Variants in RBPMS observed in about 807,000 individuals in gnomAD.
RBPMS encodes RNA-binding protein with multiple splicing.
In RBPMS, 7 loss-of-function variants were observed where a neutral mutation model predicts 26.8. The ratio of observed to expected loss-of-function variants is 0.26; its 90% CI spans 0.15 to 0.49. The LOEUF is 0.49. Among genes scored for constraint, RBPMS ranks in the 20% least tolerant of loss-of-function variants. The probability of loss-of-function intolerance (pLI) is 0.98; values close to 1 mark genes in which losing one functional copy is unlikely to be tolerated. For synonymous variants in RBPMS, 96 were observed against 93.3 expected, an observed-to-expected ratio of 1.03 and a Z score of -0.17; for missense variants, 186 against 250.0, an observed-to-expected ratio of 0.74 and a Z score of 1.73.
intron 5 of RBPMS, among the ~76,000 whole-genome samples, chr8:30,528,921 A>T (rs567514967): frequency 6.6e-6 from 1 of 151,942 alleles, no homozygotes; most frequent in South Asian, 2.1e-4. Flanking sequence ...ATTAATTTTT[A>T]AAAATTGTGG....
chr8:30,412,153 T>C (rs2150583794), intron 1 of RBPMS, among the ~76,000 whole-genome samples: 1 of 152,366 alleles, frequency 6.6e-6, no homozygotes, highest in East Asian at 1.9e-4. Context: ...CACCTTGCTA[T>C]AATTAGTTGT....
intron 4 of RBPMS, among the ~76,000 whole-genome samples, chr8:30,480,794 T>G (rs1818193844): frequency 6.6e-6 from 1 of 152,234 alleles, no homozygotes; most frequent in African/African-American, 2.4e-5. Flanking sequence ...ACTTTAAACT[T>G]AAAAGTAGAA....
chr8:30,544,829 T>C (rs575065709), intron 6 of RBPMS: 1 of 1,537,394 alleles, frequency 6.5e-7, no homozygotes, highest in Non-Finnish European at 8.7e-7. Context: ...CACTGCCTGA[T>C]GTTTGCCCCA....
At position 30,474,769 on chromosome 8, in the gene RBPMS, AT is replaced by A; in HGVS notation, c.67-5del. 6.3e-7 allele frequency: 1 copy of A among 1,587,320 alleles called. No individual in the cohort carries two copies. The highest frequency in any genetic ancestry group is 1.1e-5 in the South Asian group (1 of 90,218). ...ACACCCTTGATCACTTCCTAAATTT[AT>A]TTTTCCAGGTCCGGACCCTATTTGT... is the stretch of plus-strand genomic sequence containing the variant. On this transcript the variant is annotated splice_polypyrimidine_tract_variant and intron_variant, in intron 1 of 8. Coordinates refer to ENST00000397323, the MANE Select transcript of RBPMS (RefSeq NM_001008710.3).
At chr8:30,539,714 C>T (rs752862469) in intron 5 of RBPMS, among the ~76,000 whole-genome samples, 5 of 151,806 alleles carry the variant, frequency 3.3e-5, no homozygotes, top group Non-Finnish European at 7.4e-5. Flanking sequence ...CAATCTGCAC[C>T]TCCCAGGTTC....
chr8:30,527,542 A>G (rs1250288401), intron 5 of RBPMS, among the ~76,000 whole-genome samples: 9 of 152,204 alleles, frequency 5.9e-5, no homozygotes, highest in Non-Finnish European at 1.2e-4. Context: ...TAGCTGGCCT[A>G]CAACCGTTGG....
intron 5 of RBPMS, among the ~76,000 whole-genome samples, chr8:30,522,269 A>T (rs925202002): frequency 1.3e-5 from 2 of 150,682 alleles, no homozygotes; most frequent in African/African-American, 4.9e-5. Flanking sequence ...CCCCATCTCT[A>T]TTTAAAAAAA....
At chr8:30,551,796 T>C (rs976593129) in intron 6 of RBPMS, among the ~76,000 whole-genome samples, 1 of 152,236 alleles carries the variant, frequency 6.6e-6, no homozygotes, top group African/African-American at 2.4e-5. Context: ...AATGACAGTT[T>C]CTACCCACTC....
chr8:30,568,681 C>G (rs1321945217), intron 8 of RBPMS, among the ~76,000 whole-genome samples: 2 of 152,186 alleles, frequency 1.3e-5, no homozygotes, highest in African/African-American at 4.8e-5. Context: ...CTTATGCGTT[C>G]CCAACCCTGA....
chr8:30,568,278 T>C (rs1031428014), intron 8 of RBPMS, among the ~76,000 whole-genome samples: 1 of 152,108 alleles, frequency 6.6e-6, no homozygotes, highest in Non-Finnish European at 1.5e-5. Flanking sequence ...TTAGAAACTC[T>C]TGGGGAAGGA....
intron 5 of RBPMS, among the ~76,000 whole-genome samples, chr8:30,521,027 G>C (rs559607985): frequency 3.7e-4 from 57 of 152,296 alleles, no homozygotes; most frequent in Non-Finnish European, 7.4e-4. Flanking sequence ...CTTGTAAAAA[G>C]TGTGTCTTTG....
At chr8:30,519,883 T>C (rs1333708599) in intron 5 of RBPMS, among the ~76,000 whole-genome samples, 1 of 152,160 alleles carries the variant, frequency 6.6e-6, no homozygotes, top group African/African-American at 2.4e-5. Context: ...TTTCTTCTTT[T>C]AGGTGTCCTT....
In RBPMS at chr8:30,513,822, G is replaced by A. The variant is rs77515144; in HGVS notation, c.397+9386G>A. 4.3e-3 allele frequency among the ~76,000 whole-genome samples: 648 copies of A among 152,184 alleles called. 4 individuals carry two copies. The highest frequency in any genetic ancestry group is 6.8e-3 in the Middle Eastern group (2 of 294). ...ACCTCACTTGCTCATTGTGAAGGAA[G>A]GTGTTTCTTACATTGTTGATGCAGG... is the stretch of plus-strand genomic sequence containing the variant. On this transcript the variant is annotated intron_variant, in intron 5 of 8. Transcript: ENST00000397323.
chr8:30,498,063 A>C (rs529418641), intron 4 of RBPMS, among the ~76,000 whole-genome samples: 4 of 150,560 alleles, frequency 2.7e-5, no homozygotes, highest in Non-Finnish European at 5.9e-5. Context: ...ACTAGATGGG[A>C]TCGTATATTA....
At chr8:30,418,324 C>T (rs1200107179) in intron 1 of RBPMS, among the ~76,000 whole-genome samples, 3 of 152,156 alleles carry the variant, frequency 2.0e-5, no homozygotes, top group African/African-American at 7.2e-5. Context: ...TCAAGGGGTC[C>T]TCCCGCCTCA....
chr8:30,428,118 G>A (rs891983010), intron 1 of RBPMS, among the ~76,000 whole-genome samples: 1 of 149,402 alleles, frequency 6.7e-6, no homozygotes, highest in Non-Finnish European at 1.5e-5. Context: ...CCGCTTCCTG[G>A]TTTCAAGCAA....
At chr8:30,545,152 C>T in intron 6 of RBPMS, 1 of 1,307,586 alleles carries the variant, frequency 7.6e-7, no homozygotes, top group South Asian at 1.2e-5. Flanking sequence ...GGTTCCTTCT[C>T]TCCATTTTCA....
chr8:30,461,073 A>T (rs1055236703), intron 1 of RBPMS, among the ~76,000 whole-genome samples: 8 of 151,654 alleles, frequency 5.3e-5, no homozygotes, highest in Non-Finnish European at 1.2e-4. Flanking sequence ...AATTAACGGG[A>T]AAAAGACCAG....
intron 4 of RBPMS, among the ~76,000 whole-genome samples, chr8:30,480,601 T>C (rs1486515301): frequency 1.3e-5 from 2 of 152,230 alleles, no homozygotes; most frequent in African/African-American, 4.8e-5. Context: ...AATGACCTTC[T>C]TGTCAGAATA....
Sources: gnomAD v4.1 joint callset for allele counts (sites outside exome capture counted in the v4.1 genomes callset) on GRCh38, gnomAD v4.1.1 for gene constraint, MANE v1.5 for transcripts, NCBI Gene and HGNC (gene_info 2026-07-23, HGNC 2026-07-21) for gene names.